The following MED12L variants were observed in gnomAD, a reference collection of about 807,000 sequenced individuals.
MED12L encodes mediator complex subunit 12L.
MED12L carries 60 observed loss-of-function variants against 281.3 expected under a neutral mutation model. That is an observed-to-expected ratio of 0.21 (90% CI 0.17 to 0.26). MED12L has a LOEUF of 0.26. Among genes scored for constraint, MED12L ranks in the 10% least tolerant of loss-of-function variants. MED12L has a pLI of 1.00. For missense variants in MED12L, 2,146 were observed against 2,680.9 expected (o/e 0.80, Z 4.41); for synonymous variants, 974 against 987.2 (o/e 0.99, Z 0.25).
rs532325068 is a variant in MED12L, at chr3:151,357,165, A to C, written c.2662-48A>C. ...GTTTATAAAAATAAATGTTTTCTCT[A>C]TTTGTTTTGGCACCTACATGTTTAT... On this transcript the variant is annotated intron_variant, in intron 19 of 44. Transcript: ENST00000687756. The C allele has an allele frequency of 4.1e-6, 6 of 1,446,214 alleles. No homozygotes were observed. The African/African-American group carries it at 7.1e-5, about 17-fold the overall frequency. The allele number at this position is 1,446,214 out of a possible 1,614,324, so 89.6% of individuals were successfully genotyped here.
At chr3:151,415,231 C>T (rs1717408531) in intron 42 of MED12L, among the ~76,000 whole-genome samples, 2 of 152,158 alleles carry the variant, frequency 1.3e-5, no homozygotes, top group African/African-American at 4.8e-5. Context: ...ATTTTTTCAT[C>T]ATCAACACAT....
At chr3:151,106,306 CT>C (rs1389185333) in intron 2 of MED12L, among the ~76,000 whole-genome samples, 14 of 82,446 alleles carry the variant, frequency 1.7e-4, no homozygotes, top group African/African-American at 6.6e-4. Context: ...TTTCCTTTTC[CT>C]TCTCCCCTCC....
At chr3:151,136,590 T>C (rs1170198175) in intron 5 of MED12L, among the ~76,000 whole-genome samples, 1 of 152,078 alleles carries the variant, frequency 6.6e-6, no homozygotes, top group African/African-American at 2.4e-5. Context: ...CTATTGGGGG[T>C]GAGACTTTGG....
At chr3:151,291,162 T>G (rs1167810018) in intron 16 of MED12L, among the ~76,000 whole-genome samples, 62 of 76,156 alleles carry the variant, frequency 8.1e-4, no homozygotes, top group South Asian at 3.1e-3. Context: ...TTTTTTTTTT[T>G]TTTGTTTTTA....
At chr3:151,372,526 TTGAACTTCTG>T (rs751457623) in intron 26 of MED12L, 31 bp from the exon 27 acceptor site, 1 of 1,484,750 alleles carries the variant, frequency 6.7e-7, no homozygotes, top group Non-Finnish European at 9.4e-7. Flanking sequence ...TGGCAATATT[TTGAACTTCTG>T]TGATTTTGCT....
In MED12L at chr3:151,107,504, C is replaced by T. The variant is rs564829504; in HGVS notation, c.100-8834C>T. Among the ~76,000 whole-genome samples the T allele has an allele frequency of 5.9e-5, 9 of 152,096 alleles. No individual in the cohort carries two copies. The South Asian group carries it at 1.5e-3, about 25-fold the overall frequency. ...TCTGTATGCATAATTATTTGTTAATCGAATGAAGGACGGGGAGCAGGCCTT... is the reference window on the plus strand; with the variant it reads ...TCTGTATGCATAATTATTTGTTAATTGAATGAAGGACGGGGAGCAGGCCTT... On this transcript the variant is annotated intron_variant, in intron 2 of 44. Coordinates refer to ENST00000687756, the MANE Select transcript of MED12L (RefSeq NM_001393769.1).
At chr3:151,402,988 C>T (rs1054522921) in intron 39 of MED12L, among the ~76,000 whole-genome samples, 2 of 151,912 alleles carry the variant, frequency 1.3e-5, no homozygotes, top group African/African-American at 4.8e-5. Context: ...GGTAACACCC[C>T]TGCTGTCATT....
chr3:151,272,595 C>T (rs947416470), intron 16 of MED12L, among the ~76,000 whole-genome samples: 3 of 152,116 alleles, frequency 2.0e-5, no homozygotes, highest in Admixed American at 6.5e-5. Flanking sequence ...AGTGCATACT[C>T]GGGAAAGGTT....
At chr3:151,127,075 G>C (rs1714649131) in intron 4 of MED12L, among the ~76,000 whole-genome samples, 1 of 152,152 alleles carries the variant, frequency 6.6e-6, no homozygotes, top group Admixed American at 6.6e-5. Flanking sequence ...TGATATAGAT[G>C]AATGGGCTAT....
chr3:151,141,187 G>GTTTTTTTGTT (rs376743895), intron 5 of MED12L, among the ~76,000 whole-genome samples: 24 of 99,116 alleles, frequency 2.4e-4, no homozygotes, highest in African/African-American at 4.3e-4. Flanking sequence ...TGTTTTTTTT[G>GTTTTTTTGTT]TTTTTTTTTT....
intron 16 of MED12L, among the ~76,000 whole-genome samples, chr3:151,313,795 G>A (rs1297431520): frequency 1.3e-5 from 2 of 152,086 alleles, no homozygotes; most frequent in Non-Finnish European, 2.9e-5. Context: ...ATGGTGGTGG[G>A]CGCCTATAAT....
chr3:151,251,272 A>C (rs1736798824), intron 16 of MED12L, among the ~76,000 whole-genome samples: 1 of 151,938 alleles, frequency 6.6e-6, no homozygotes, highest in Admixed American at 6.6e-5. Flanking sequence ...CTTCCTACTC[A>C]ATGTGTCTCT....
intron 16 of MED12L, among the ~76,000 whole-genome samples, chr3:151,223,767 TA>T (rs1330925340): frequency 6.6e-6 from 1 of 152,170 alleles, no homozygotes; most frequent in African/African-American, 2.4e-5. Context: ...ATGGGTTCAC[TA>T]GAAGCCCAAA....
At chr3:151,108,048 G>C (rs1722291803) in intron 2 of MED12L, among the ~76,000 whole-genome samples, 1 of 152,204 alleles carries the variant, frequency 6.6e-6, no homozygotes, top group Non-Finnish European at 1.5e-5. Context: ...TATGCTAGAT[G>C]CTGCTTTTTC....
rs1251871655 is a variant in MED12L, at chr3:151,188,486, T to C, written c.1753+6T>C. On this transcript the variant is annotated splice_donor_region_variant and intron_variant, in intron 13 of 44. Coordinates refer to ENST00000687756, the MANE Select transcript of MED12L (RefSeq NM_001393769.1). ...TACACAGGCCCCCTCTTTGTGTAAG[T>C]AGAGAAAACTCTTTGCCTCTAGATC... 1 of 1,606,374 alleles carries C rather than the reference T, an allele frequency of 6.2e-7. No individual in the cohort carries two copies. The highest frequency in any genetic ancestry group is 1.3e-5 in the African/African-American group (1 of 74,622).
chr3:151,324,740 G>A (rs1432707812), intron 16 of MED12L, among the ~76,000 whole-genome samples: 1 of 152,194 alleles, frequency 6.6e-6, no homozygotes. Flanking sequence ...CTCTCCAGCC[G>A]ATTCCGGTAG....
chr3:151,366,993 A>G (rs907459472), intron 23 of MED12L, among the ~76,000 whole-genome samples: 32 of 152,198 alleles, frequency 2.1e-4, no homozygotes, highest in Admixed American at 6.5e-5. Context: ...AGTCCTTGGC[A>G]TATGGTGCGA....
rs558229450 is a variant in MED12L, at chr3:151,296,644, A to T, written c.2251-53415A>T. 6.0e-5 allele frequency among the ~76,000 whole-genome samples: 9 copies of T among 150,904 alleles called. No homozygotes were observed. In the South Asian group the frequency reaches 1.9e-3, roughly 32 times the overall value. The stretch of plus-strand genomic sequence containing the variant: ...CTGTGCCAGCCTTCTGCTTGTCCCC[A>T]TTTTCCCTGGTAGCCATTTTCCCCA... On this transcript the variant is annotated intron_variant, in intron 16 of 44. Coordinates refer to ENST00000687756, the MANE Select transcript of MED12L (RefSeq NM_001393769.1).
intron 16 of MED12L, among the ~76,000 whole-genome samples, chr3:151,258,695 C>CA (rs767998781): frequency 1.6e-4 from 25 of 151,838 alleles, no homozygotes; most frequent in East Asian, 5.8e-4. Context: ...ACTAAAAATA[C>CA]AAAAAAATTA....
Sources: gnomAD v4.1 joint callset for allele counts (sites outside exome capture counted in the v4.1 genomes callset) on GRCh38, gnomAD v4.1.1 for gene constraint, MANE v1.5 for transcripts, NCBI Gene and HGNC (gene_info 2026-07-23, HGNC 2026-07-21) for gene names.